Variants in DOCK9 observed in about 807,000 individuals in gnomAD.
DOCK9 encodes the protein dedicator of cytokinesis protein 9.
In DOCK9, 89 loss-of-function variants were observed where a neutral mutation model predicts 263.3. The ratio of observed to expected loss-of-function variants is 0.34; its 90% CI spans 0.28 to 0.40. DOCK9 has a LOEUF of 0.40. DOCK9 is among the 10% of genes least tolerant of loss of function. The pLI, the probability that DOCK9 is intolerant of heterozygous loss-of-function variation, is 1.00. For missense variants in DOCK9, 2,140 were observed against 2,603.4 expected (o/e 0.82, Z 3.87); for synonymous variants, 976 against 973.1 (o/e 1.00, Z -0.06).
chr13:99,087,277 G>C (rs1164908634), upstream of DOCK9, among the ~76,000 whole-genome samples: 1 of 152,350 alleles, frequency 6.6e-6, no homozygotes, highest in African/African-American at 2.4e-5. Flanking sequence ...GGCCGGGCCA[G>C]GCGTGGGAGA....
At chr13:98,860,199 G>A (rs1738943955) in intron 33 of DOCK9, 3 of 1,420,446 alleles carry the variant, frequency 2.1e-6, no homozygotes, top group Non-Finnish European at 2.8e-6. Context: ...ATGATCCTGA[G>A]GAGTCACAGG....
At chr13:98,856,544 C>T (rs546817728) in intron 33 of DOCK9, 5 of 152,696 alleles carry the variant, frequency 3.3e-5, no homozygotes, top group African/African-American at 9.6e-5. Flanking sequence ...CTTTTGAAGA[C>T]ATATTTGTGA....
At chr13:98,984,038 C>A (rs530228078) in intron 1 of DOCK9, among the ~76,000 whole-genome samples, 1 of 152,282 alleles carries the variant, frequency 6.6e-6, no homozygotes, top group South Asian at 2.1e-4. Context: ...GGAAGGTGGT[C>A]CACAAACCCT....
chr13:98,871,958 C>T lies in DOCK9; in HGVS notation c.2944-3581G>A, dbSNP rs1326026042. On this transcript the variant is annotated intron_variant, in intron 27 of 52. Coordinates refer to ENST00000682017, the MANE Select transcript of DOCK9 (RefSeq NM_001366683.2). ...GACTCCTCGAATGAACGGGATCTCC[C>T]TGAAGACCCACACTCAGCCTGGCTG... 5 of 152,978 alleles carry T rather than the reference C, an allele frequency of 3.3e-5. No individual in the cohort carries two copies. The Admixed American group carries it at 3.3e-4, about 10-fold the overall frequency. 9.5% of individuals were successfully genotyped at this position (152,978 alleles called of 1,614,324 possible).
chr13:98,902,485 G>A lies in DOCK9; in HGVS notation c.1183C>T (p.Pro395Ser). The A allele has an allele frequency of 6.2e-7, 1 of 1,613,558 alleles. No homozygotes were observed. The highest frequency in any genetic ancestry group is 8.5e-7 in the Non-Finnish European group (1 of 1,179,730). Reference sequence around the variant, plus strand: ...AACAGGGATAGAGTAACAAAGAAAGGTTCAACCTGAACAAAACAAAACAAT... The same window carrying A: ...AACAGGGATAGAGTAACAAAGAAAGATTCAACCTGAACAAAACAAAACAAT... ...NEEGPTTNVEPFFVTLSLFDI... is the reference protein window; with the variant it reads ...NEEGPTTNVESFFVTLSLFDI... The change falls in exon 12 of 53, where the codon CCT (proline) becomes TCT (serine). Residue 395 changes from proline (P) to serine (S), a missense_variant. Physicochemically the swap from Pro to Ser is moderately conservative, Grantham distance 74. Transcript: ENST00000682017.
upstream of DOCK9, among the ~76,000 whole-genome samples, chr13:98,981,704 A>T (rs1463338389): frequency 6.6e-6 from 1 of 152,116 alleles, no homozygotes; most frequent in African/African-American, 2.4e-5. Flanking sequence ...GGACAAACCA[A>T]CACTTTTGGA....
Position 98,881,959 on chromosome 13 carries a change from T to C in DOCK9, c.2608A>G (p.Ile870Val), listed in dbSNP as rs1278773907. Residue 870 changes from isoleucine (I) to valine (V), a missense_variant, in exon 24 of 53, where the codon ATC becomes GTC. Ile to Val is a conservative substitution (Grantham distance 29, BLOSUM62 3). Around this residue, in one of 2 missense-constraint regions of DOCK9, gnomAD observed 1,521 missense variants for 1,741.7 expected, o/e 0.87. Transcript: ENST00000682017. ...GHVMIAFLPT[I>V]LNQLFRVLTR... ...AGGACTCGGAACAGCTGGTTTAGGA[T>C]AGTGGGCAAGAAGGCGATCATCACG... 5.0e-6 allele frequency: 8 copies of C among 1,601,192 alleles called. No homozygotes were observed. The highest frequency in any genetic ancestry group is 2.2e-5 in the East Asian group (1 of 44,498).
chr13:98,956,060 TAA>T (rs2058023167), intron 1 of DOCK9, among the ~76,000 whole-genome samples: 3 of 152,174 alleles, frequency 2.0e-5, no homozygotes, highest in Non-Finnish European at 4.4e-5. Context: ...TATCTATACT[TAA>T]TATGTAATAC....
intron 27 of DOCK9, among the ~76,000 whole-genome samples, chr13:98,875,846 C>A (rs1300276982): frequency 6.6e-6 from 1 of 152,132 alleles, no homozygotes; most frequent in South Asian, 2.1e-4. Context: ...GATGCTAGTT[C>A]GAAGGGGTTC....
chr13:98,998,414 G>A (rs940884602), intron 1 of DOCK9, among the ~76,000 whole-genome samples: 21 of 152,152 alleles, frequency 1.4e-4, no homozygotes, highest in African/African-American at 4.8e-4. Context: ...AATTATGTGT[G>A]GAGCACTCGA....
chr13:98,978,153 G>A, upstream of DOCK9: 2 of 1,336,666 alleles, frequency 1.5e-6, no homozygotes, highest in Admixed American at 3.3e-5. Flanking sequence ...GCTGGCCAAA[G>A]GAAAACAAAC....
At chr13:99,050,520 T>C (rs1456419072) in intron 1 of DOCK9, among the ~76,000 whole-genome samples, 1 of 152,052 alleles carries the variant, frequency 6.6e-6, no homozygotes, top group Non-Finnish European at 1.5e-5. Flanking sequence ...AGTGAAACCC[T>C]GTCTCTACTA....
rs903855891 is a variant in DOCK9 at position 98,999,316 on chromosome 13, A to ACTCTCT, written c.130-43771_130-43766dup. Among the ~76,000 whole-genome samples, 377 of 138,128 alleles carry ACTCTCT rather than the reference A, an allele frequency of 2.7e-3. 1 individual carries two copies. Among genetic ancestry groups the ACTCTCT allele is most frequent in the Middle Eastern group, 7.8e-3 (2 of 258 alleles). 90.6% of individuals were successfully genotyped at this position (138,128 alleles called of 152,430 possible). A position where few individuals can be genotyped will look rare whatever the true frequency, so the allele number is the denominator to read the frequency against. Reference sequence around the variant, plus strand: ...CACACACACACACACACACACACACACTCTCTCTCTCTCTCTCTCTGGAAG... The same window carrying ACTCTCT: ...CACACACACACACACACACACACACACTCTCTCTCTCTCTCTCTCTCTCTCTGGAAG... On this transcript the variant is annotated intron_variant, in intron 1 of 32. Coordinates refer to the DOCK9 transcript ENST00000427887.
At position 98,822,925 on chromosome 13, in the gene DOCK9, A is replaced by T. The variant is rs535013537; in HGVS notation, c.5130+1473T>A. Reference sequence around the variant, plus strand: ...TAGACAATTTACAACAGTGGTTCTTAAACTTTTTGAGCTCAAGACCCCTTC... The same window carrying T: ...TAGACAATTTACAACAGTGGTTCTTTAACTTTTTGAGCTCAAGACCCCTTC... On this transcript the variant is annotated intron_variant, in intron 45 of 52. Coordinates refer to ENST00000682017, the MANE Select transcript of DOCK9 (RefSeq NM_001366683.2). Among the ~76,000 whole-genome samples, 610 of 152,256 alleles carry T rather than the reference A, an allele frequency of 4.0e-3. 2 individuals carry two copies. The highest frequency in any genetic ancestry group is 0.011 in the South Asian group (52 of 4,820).
chr13:98,950,067 T>A, intron 2 of DOCK9: 4 of 461,976 alleles, frequency 8.7e-6, no homozygotes. Context: ...AGCAACATTT[T>A]AGGCTCTTTG....
intron 1 of DOCK9, among the ~76,000 whole-genome samples, chr13:99,080,185 A>G (rs1474350518): frequency 6.6e-6 from 1 of 152,288 alleles, no homozygotes; most frequent in East Asian, 1.9e-4. Context: ...GGGCTCCAAC[A>G]TTATTATTTG....
chr13:99,008,828 G>A (rs74557390), intron 1 of DOCK9, among the ~76,000 whole-genome samples: 2,395 of 152,176 alleles, frequency 0.016, 65 homozygotes, highest in African/African-American at 0.054. Context: ...ATAAGATTAG[G>A]GCCCCGCCTT....
chr13:99,058,799 C>T (rs1186959361), intron 1 of DOCK9, among the ~76,000 whole-genome samples: 2 of 152,206 alleles, frequency 1.3e-5, no homozygotes, highest in Non-Finnish European at 2.9e-5. Context: ...GCACATGTAG[C>T]AGCCACACAC....
At chr13:99,028,192 T>G (rs1019179793) in intron 1 of DOCK9, among the ~76,000 whole-genome samples, 5 of 152,132 alleles carry the variant, frequency 3.3e-5, no homozygotes, top group African/African-American at 1.2e-4. Context: ...AAGGTGAGAC[T>G]GCCACTGAGT....
Sources: gnomAD v4.1 joint callset for allele counts (sites outside exome capture counted in the v4.1 genomes callset) on GRCh38, gnomAD v4.1.1 for gene constraint, gnomAD v4.1.1 regional missense constraint, MANE v1.5 for transcripts, NCBI Gene and HGNC (gene_info 2026-07-23, HGNC 2026-07-21) for gene names.